B3GNT2: variants seen among roughly 807,000 people sequenced by gnomAD.
B3GNT2 encodes the protein N-acetyllactosaminide beta-1,3-N-acetylglucosaminyltransferase 2.
B3GNT2 carries 12 observed loss-of-function variants against 27.6 expected under a neutral mutation model. The observed-to-expected ratio is 0.44, with a 90% CI of 0.28 to 0.71. The LOEUF (loss-of-function observed/expected upper bound fraction) is 0.71, where lower values mean the gene tolerates loss of function less well. Among genes scored for constraint, B3GNT2 ranks in the 30% least tolerant of loss-of-function variants. The pLI is 0.17. For missense variants in B3GNT2, 413 were observed against 488.5 expected (o/e 0.85, Z 1.46); for synonymous variants, 192 against 189.7 (o/e 1.01, Z -0.10).
At position 62,222,882 on chromosome 2, in the gene B3GNT2, C is replaced by T; in HGVS notation, c.662C>T (p.Ser221Phe). The part of the protein sequence containing the change: ...WNYRDTFFNL[S>F]LKEVLFLRWV... ...TACAGAGACACTTTCTTCAACTTGT[C>T]TCTGAAGGAAGTGCTGTTTCTCAGG... Residue 221 changes from serine to phenylalanine, a missense_variant, in exon 2 of 2, where the codon TCT becomes TTT. Coordinates refer to ENST00000301998, the MANE Select transcript of B3GNT2 (RefSeq NM_006577.6). The surrounding 1 kb of genome is among the most constrained non-coding windows in gnomAD (Gnocchi z 4.2). 1 of 1,614,184 alleles carries T rather than the reference C, an allele frequency of 6.2e-7. No homozygotes were observed. Among genetic ancestry groups the T allele is most frequent in the Non-Finnish European group, 8.5e-7 (1 of 1,180,044 alleles).
Position 62,211,354 on chromosome 2 carries a change from C to T in B3GNT2, c.-9-10858C>T, listed in dbSNP as rs114398111. On this transcript the variant is annotated intron_variant, in intron 1 of 1. Transcript: ENST00000301998. ...CTGGGTGACAGAGTAAGACCCTGTC[C>T]CCCCCGTCCCCCCCAAAAAAATTTG... 6.8e-3 allele frequency among the ~76,000 whole-genome samples: 1,028 copies of T among 151,928 alleles called. 6 individuals are homozygous for T. Among genetic ancestry groups the T allele is most frequent in the South Asian group, 0.013 (60 of 4,788 alleles).
intron 1 of B3GNT2, among the ~76,000 whole-genome samples, chr2:62,197,614 T>C (rs1056843701): frequency 6.6e-6 from 1 of 152,188 alleles, no homozygotes; most frequent in African/African-American, 2.4e-5. Context: ...TACCGTAATA[T>C]CCGATAGCGA....
intron 1 of B3GNT2, among the ~76,000 whole-genome samples, chr2:62,213,394 C>T (rs962418906): frequency 6.6e-6 from 1 of 152,208 alleles, no homozygotes; most frequent in African/African-American, 2.4e-5. Flanking sequence ...CCATGACTGT[C>T]ATGGCCTTGT....
At chr2:62,200,311 T>A (rs1233908649) in intron 1 of B3GNT2, among the ~76,000 whole-genome samples, 2 of 152,234 alleles carry the variant, frequency 1.3e-5, no homozygotes, top group Non-Finnish European at 2.9e-5. Context: ...CATTTTCTGA[T>A]GTGGCTACAG....
chr2:62,217,604 G>A (rs1282583297), intron 1 of B3GNT2, among the ~76,000 whole-genome samples: 2 of 152,212 alleles, frequency 1.3e-5, no homozygotes, highest in South Asian at 2.1e-4. Context: ...CGAATACGGC[G>A]ATGCTGACAC....
intron 1 of B3GNT2, among the ~76,000 whole-genome samples, chr2:62,197,578 C>G (rs915362041): frequency 2.0e-5 from 3 of 152,236 alleles, no homozygotes; most frequent in African/African-American, 7.2e-5. Context: ...AAACTATATT[C>G]TTTTGCCCTT....
chr2:62,200,467 A>G (rs1296178397), intron 1 of B3GNT2, among the ~76,000 whole-genome samples: 1 of 152,204 alleles, frequency 6.6e-6, no homozygotes, highest in Admixed American at 6.5e-5. Context: ...TGATAATCCA[A>G]GGTAATCAAT....
chr2:62,216,591 A>T (rs1440429519), intron 1 of B3GNT2, among the ~76,000 whole-genome samples: 3 of 151,722 alleles, frequency 2.0e-5, no homozygotes, highest in Non-Finnish European at 2.9e-5. Context: ...TAATGTAGAC[A>T]TGGGGTCTCG....
intron 1 of B3GNT2, among the ~76,000 whole-genome samples, chr2:62,219,806 G>GT (rs1558636799): frequency 6.6e-6 from 1 of 152,192 alleles, no homozygotes; most frequent in Non-Finnish European, 1.5e-5. Context: ...ATGAGGTTAG[G>GT]TTTTTCAAGA....
intron 1 of B3GNT2, among the ~76,000 whole-genome samples, chr2:62,218,521 G>T (rs532611413): frequency 6.6e-6 from 1 of 152,280 alleles, no homozygotes; most frequent in South Asian, 2.1e-4. Flanking sequence ...TTTCTTTGGA[G>T]CCTCTTTAAC....
intron 1 of B3GNT2, among the ~76,000 whole-genome samples, chr2:62,213,835 A>G (rs895885724): frequency 2.0e-5 from 3 of 151,822 alleles, no homozygotes; most frequent in Non-Finnish European, 4.4e-5. Flanking sequence ...GAAAGGGTGT[A>G]TATATATATA....
intron 1 of B3GNT2, among the ~76,000 whole-genome samples, chr2:62,204,218 G>T (rs751590905): frequency 1.8e-4 from 27 of 152,282 alleles, no homozygotes; most frequent in Non-Finnish European, 3.5e-4. Context: ...TAGAGACAGG[G>T]TTTCTCCGTG....
chr2:62,200,751 A>T (rs1674251780), intron 1 of B3GNT2, among the ~76,000 whole-genome samples: 1 of 152,142 alleles, frequency 6.6e-6, no homozygotes. Context: ...TTACATCATC[A>T]TAGATGTGAC....
At chr2:62,201,593 T>G (rs902655418) in intron 1 of B3GNT2, among the ~76,000 whole-genome samples, 1 of 152,270 alleles carries the variant, frequency 6.6e-6, no homozygotes, top group Non-Finnish European at 1.5e-5. Context: ...GTCTCCTTAT[T>G]TGTTTGGTAC....
At chr2:62,203,582 G>C (rs1185132946) in intron 1 of B3GNT2, among the ~76,000 whole-genome samples, 1 of 152,240 alleles carries the variant, frequency 6.6e-6, no homozygotes, top group East Asian at 1.9e-4. Flanking sequence ...AGTCAGGAGG[G>C]TGCAAGGACT....
In B3GNT2 at chr2:62,222,782, G is replaced by A. The variant is rs1674744649; in HGVS notation, c.562G>A (p.Glu188Lys). The change falls in exon 2 of 2, where the codon GAG becomes AAG. Residue 188 changes from glutamate to lysine, a missense_variant. Coordinates refer to ENST00000301998, the MANE Select transcript of B3GNT2 (RefSeq NM_006577.6). The surrounding 1 kb of genome is among the most constrained non-coding windows in gnomAD (Gnocchi z 4.2). Reference sequence around the variant, plus strand: ...CTTCCTGCTGGGCCAGACACCCCCAGAGGACAACCACCCCGACCTTTCAGA... The same window carrying A: ...CTTCCTGCTGGGCCAGACACCCCCAAAGGACAACCACCCCGACCTTTCAGA... ...RVFLLGQTPP[E>K]DNHPDLSDML... The A allele has an allele frequency of 6.2e-7, 1 of 1,614,072 alleles. No homozygotes were observed. Among genetic ancestry groups the A allele is most frequent in the African/African-American group, 1.3e-5 (1 of 74,928 alleles).
At chr2:62,210,111 T>C (rs557821090) in intron 1 of B3GNT2, among the ~76,000 whole-genome samples, 1 of 152,332 alleles carries the variant, frequency 6.6e-6, no homozygotes, top group Admixed American at 6.5e-5. Flanking sequence ...TTGGAATGGT[T>C]TACATCTTCC....
rs1206240642 is a variant in B3GNT2, at chr2:62,224,558, TTTG to T, written c.*1147_*1149del. The T allele has an allele frequency of 6.0e-6, 1 of 167,096 alleles. No homozygotes were observed. Among genetic ancestry groups the T allele is most frequent in the Non-Finnish European group, 1.5e-5 (1 of 68,112 alleles). The allele number at this position is 167,096 out of a possible 1,614,324, so 10.4% of individuals were successfully genotyped here. ...AAACTGTTATTTTTGAATTTTAAAA[TTTG>T]TTTTTTGGGGGTATGAACTACTAGA... On this transcript the variant is annotated 3_prime_UTR_variant, in exon 2 of 2. Coordinates refer to ENST00000301998, the MANE Select transcript of B3GNT2 (RefSeq NM_006577.6).
At chr2:62,201,142 C>T (rs1674257049) in intron 1 of B3GNT2, among the ~76,000 whole-genome samples, 1 of 152,082 alleles carries the variant, frequency 6.6e-6, no homozygotes, top group East Asian at 1.9e-4. Flanking sequence ...TTTAAATGAG[C>T]TATTTCATTA....
Sources: gnomAD v4.1 joint callset for allele counts (sites outside exome capture counted in the v4.1 genomes callset) on GRCh38, gnomAD v4.1.1 for gene constraint, Gnocchi (gnomAD v3.1) non-coding constraint, MANE v1.5 for transcripts, NCBI Gene and HGNC (gene_info 2026-07-23, HGNC 2026-07-21) for gene names.